Variants in ALOX5AP observed in about 807,000 individuals in gnomAD.
ALOX5AP encodes arachidonate 5-lipoxygenase-activating protein.
ALOX5AP carries 9 observed loss-of-function variants against 18.5 expected under a neutral mutation model. The ratio of observed to expected loss-of-function variants is 0.49; its 90% CI spans 0.29 to 0.85. The LOEUF is 0.85. ALOX5AP is among the 40% of genes least tolerant of loss of function. The pLI, the probability that ALOX5AP is intolerant of heterozygous loss-of-function variation, is 0.08. For synonymous variants in ALOX5AP, 81 were observed against 78.6 expected (o/e 1.03, Z -0.16); for missense variants, 172 against 202.5 (o/e 0.85, Z 0.91).
intron 1 of ALOX5AP, among the ~76,000 whole-genome samples, chr13:30,714,212 A>G (rs1311784512): frequency 3.3e-5 from 5 of 150,830 alleles, no homozygotes; most frequent in Non-Finnish European, 5.9e-5. Context: ...CTTTCAAAAA[A>G]AAAAAAAAAA....
intron 3 of ALOX5AP, among the ~76,000 whole-genome samples, chr13:30,754,388 G>A (rs980854537): frequency 2.0e-5 from 3 of 152,212 alleles, no homozygotes; most frequent in Admixed American, 6.5e-5. Flanking sequence ...TTGCTGGTGT[G>A]TGACTCCAGG....
chr13:30,735,036 G>C (rs1315660854), upstream of ALOX5AP, among the ~76,000 whole-genome samples: 1 of 152,114 alleles, frequency 6.6e-6, no homozygotes, highest in Non-Finnish European at 1.5e-5. Flanking sequence ...GTGTGAGACA[G>C]TCTTGCTCTG....
chr13:30,716,085 A>G (rs529401654), intron 1 of ALOX5AP, among the ~76,000 whole-genome samples: 6 of 152,242 alleles, frequency 3.9e-5, no homozygotes, highest in Non-Finnish European at 1.5e-5. Flanking sequence ...GAGATCCCCA[A>G]GGACAAGGAG....
chr13:30,727,704 C>T (rs929015536), intron 1 of ALOX5AP, among the ~76,000 whole-genome samples: 15 of 152,182 alleles, frequency 9.9e-5, no homozygotes, highest in African/African-American at 2.7e-4. Context: ...GTTTCTCTGA[C>T]TGCTCCGTGA....
At chr13:30,715,875 G>A (rs5009491) in intron 1 of ALOX5AP, among the ~76,000 whole-genome samples, 26,768 of 152,006 alleles carry the variant, frequency 0.18, 3,430 homozygotes, top group African/African-American at 0.35. Flanking sequence ...CAAAGTGATG[G>A]AAATATGTAT....
At chr13:30,731,666 G>T (rs1951681589), upstream of ALOX5AP, among the ~76,000 whole-genome samples, 1 of 152,158 alleles carries the variant, frequency 6.6e-6, no homozygotes, top group South Asian at 2.1e-4. Flanking sequence ...ACGGTGCCAG[G>T]CCCTTGACCA....
chr13:30,732,398 G>T (rs190861695), upstream of ALOX5AP, among the ~76,000 whole-genome samples: 59 of 152,322 alleles, frequency 3.9e-4, 1 homozygote, highest in Middle Eastern at 3.4e-3. Flanking sequence ...AGACAGAAGC[G>T]TGTAGGATAG....
chr13:30,746,208 G>A (rs1178887500), intron 2 of ALOX5AP, among the ~76,000 whole-genome samples: 1 of 152,212 alleles, frequency 6.6e-6, no homozygotes, highest in Admixed American at 6.5e-5. Flanking sequence ...CAGTCGTTGT[G>A]GGGTGCCAGA....
chr13:30,739,201 T>G (rs902985339), intron 1 of ALOX5AP, among the ~76,000 whole-genome samples: 1 of 152,174 alleles, frequency 6.6e-6, no homozygotes, highest in African/African-American at 2.4e-5. Context: ...TTGCGTTGTG[T>G]GAAGAATGGC....
At chr13:30,749,109 C>G (rs1055027548) in intron 2 of ALOX5AP, among the ~76,000 whole-genome samples, 1 of 152,238 alleles carries the variant, frequency 6.6e-6, no homozygotes, top group Admixed American at 6.5e-5. Flanking sequence ...CATTTTCTTA[C>G]AGCTGGGAGA....
At chr13:30,744,961 T>G (rs1342570999) in intron 2 of ALOX5AP, among the ~76,000 whole-genome samples, 2 of 152,148 alleles carry the variant, frequency 1.3e-5, no homozygotes, top group Admixed American at 6.5e-5. Flanking sequence ...ACTTTGATGT[T>G]CCCAGAGATC....
At chr13:30,723,254 G>A (rs1022626785) in intron 1 of ALOX5AP, among the ~76,000 whole-genome samples, 4 of 152,236 alleles carry the variant, frequency 2.6e-5, no homozygotes, top group African/African-American at 9.6e-5. Context: ...AATACAGAGA[G>A]ACTAATGTGT....
At chr13:30,714,509 C>A (rs1170885729) in intron 1 of ALOX5AP, among the ~76,000 whole-genome samples, 2 of 150,298 alleles carry the variant, frequency 1.3e-5, no homozygotes, top group East Asian at 2.0e-4. Context: ...TCATTCTTTC[C>A]TGTTCTCCCT....
Position 30,744,082 on chromosome 13 carries a change from G to C in ALOX5AP, c.93G>C (p.Glu31Asp). The change falls in exon 2 of 5, where the codon GAG becomes GAC. Residue 31 changes from glutamate to aspartate, a missense_variant. Coordinates refer to ENST00000380490, the MANE Select transcript of ALOX5AP (RefSeq NM_001629.4). ...CAGGATTCTTTGCCCATAAAGTGGA[G>C]CACGAAAGCAGGACCCAGAATGGGA... ...VQNGFFAHKV[E>D]HESRTQNGRS... is the part of the protein sequence containing the mutation. 1 of 1,614,132 alleles carries C rather than the reference G, an allele frequency of 6.2e-7. No individual in the cohort carries two copies. The highest frequency in any genetic ancestry group is 8.5e-7 in the Non-Finnish European group (1 of 1,179,988).
Position 30,736,715 on chromosome 13 carries a change from C to T in ALOX5AP, c.70+1040C>T, listed in dbSNP as rs149489315. ...CAGCCTCTGCACCAGAAAGGCTCAG[C>T]TTCACACACTCCAAGTATGTTTTCT... On this transcript the variant is annotated intron_variant, in intron 1 of 4. Transcript: ENST00000380490. 1.4e-3 allele frequency among the ~76,000 whole-genome samples: 210 copies of T among 152,320 alleles called. 1 individual carries two copies. The Middle Eastern group carries it at 0.031, about 22-fold the overall frequency.
chr13:30,719,395 G>T (rs11841105), intron 1 of ALOX5AP, among the ~76,000 whole-genome samples: 1 of 152,124 alleles, frequency 6.6e-6, no homozygotes, highest in African/African-American at 2.4e-5. Flanking sequence ...TGAGGACCGG[G>T]ATAATCATAC....
intron 1 of ALOX5AP, among the ~76,000 whole-genome samples, chr13:30,738,422 C>T (rs946695245): frequency 6.6e-6 from 1 of 152,186 alleles, no homozygotes; most frequent in Non-Finnish European, 1.5e-5. Flanking sequence ...AGCAAATGGG[C>T]TCATTGGCCA....
At chr13:30,754,185 A>G (rs1027016994) in intron 3 of ALOX5AP, among the ~76,000 whole-genome samples, 10 of 152,196 alleles carry the variant, frequency 6.6e-5, no homozygotes, top group Non-Finnish European at 1.2e-4. Context: ...GTTGCGGTGA[A>G]CCAAGATAGC....
At chr13:30,756,158 A>C in intron 4 of ALOX5AP, 133 bp downstream of exon 4, 1 of 742,284 alleles carries the variant, frequency 1.3e-6, no homozygotes, top group Non-Finnish European at 2.3e-6. Context: ...GGGAAGGCTG[A>C]CTAGGACCTC....
Sources: gnomAD v4.1 joint callset for allele counts (sites outside exome capture counted in the v4.1 genomes callset) on GRCh38, gnomAD v4.1.1 for gene constraint, MANE v1.5 for transcripts, NCBI Gene and HGNC (gene_info 2026-07-23, HGNC 2026-07-21) for gene names.